The following RANBP2 variants were observed in gnomAD, a reference collection of about 807,000 sequenced individuals.
The protein encoded by RANBP2 is RAN binding protein 2.
A neutral mutation model predicts 303.6 loss-of-function variants in RANBP2; 57 were observed. That is an observed-to-expected ratio of 0.19 (90% CI 0.15 to 0.23). The LOEUF is 0.23. Ranked by LOEUF, RANBP2 falls within the 10% of genes least tolerant of loss-of-function variation. The pLI, the probability that RANBP2 is intolerant of heterozygous loss-of-function variation, is 1.00. For missense variants in RANBP2, 3,138 were observed against 3,780.8 expected, an observed-to-expected ratio of 0.83 and a Z score of 4.46; for synonymous variants, 1,167 against 1,301.5, an observed-to-expected ratio of 0.90 and a Z score of 2.23.
the RANBP2 span, among the ~76,000 whole-genome samples, chr2:109,212,167 T>C: frequency 1.3e-5 from 2 of 152,190 alleles, no homozygotes; most frequent in African/African-American, 4.8e-5. Flanking sequence ...GTTTGGCTTC[T>C]GGATGACTTG....
At chr2:108,897,174 G>A in the RANBP2 span, 1 of 1,613,854 alleles carries the variant, frequency 6.2e-7, no homozygotes, top group Non-Finnish European at 8.5e-7. Flanking sequence ...ACGTGGAGCT[G>A]AGCATTCGGC....
the RANBP2 span, among the ~76,000 whole-genome samples, chr2:109,272,985 A>G: frequency 6.6e-6 from 1 of 152,248 alleles, no homozygotes; most frequent in Non-Finnish European, 1.5e-5. Context: ...ACTGGAAGAA[A>G]TTAAAACAGG....
At chr2:109,138,170 CACGCCCGGCTA>C in the RANBP2 span, among the ~76,000 whole-genome samples, 1 of 152,300 alleles carries the variant, frequency 6.6e-6, no homozygotes, top group African/African-American at 2.4e-5. Context: ...CGAGCACCAC[CACGCCCGGCTA>C]ACGCCCGGCT....
the RANBP2 span, chr2:108,791,552 C>A: frequency 6.2e-6 from 7 of 1,134,742 alleles, no homozygotes; most frequent in Non-Finnish European, 9.2e-6. Context: ...TTACATTTTG[C>A]AGTTTAAAAA....
chr2:109,614,398 G>A, the RANBP2 span: 1 of 1,003,418 alleles, frequency 1.0e-6, no homozygotes, highest in Non-Finnish European at 1.3e-6. Context: ...GAGCCCGCCA[G>A]ACTCCGCCGC....
chr2:109,266,686 A>G, the RANBP2 span, among the ~76,000 whole-genome samples: 2 of 152,042 alleles, frequency 1.3e-5, no homozygotes, highest in Admixed American at 1.3e-4. Context: ...GCTCAGCCAC[A>G]GATTGGGAAG....
the RANBP2 span, among the ~76,000 whole-genome samples, chr2:108,881,738 A>G: frequency 6.6e-6 from 1 of 152,206 alleles, no homozygotes; most frequent in Non-Finnish European, 1.5e-5. Flanking sequence ...AGAGGGAGAG[A>G]TGGGGGATCA....
chr2:109,703,917 T>C, the RANBP2 span, among the ~76,000 whole-genome samples: 5 of 152,208 alleles, frequency 3.3e-5, no homozygotes, highest in African/African-American at 1.2e-4. Flanking sequence ...AATTGGCTCT[T>C]GTCATGGAGA....
At chr2:108,828,651 A>G in the RANBP2 span, among the ~76,000 whole-genome samples, 1 of 152,322 alleles carries the variant, frequency 6.6e-6, no homozygotes, top group Non-Finnish European at 1.5e-5. Context: ...CTCATGCAAC[A>G]AAATGAGTAT....
At chr2:109,024,993 C>T in the RANBP2 span, among the ~76,000 whole-genome samples, 1 of 152,140 alleles carries the variant, frequency 6.6e-6, no homozygotes, top group East Asian at 1.9e-4. Flanking sequence ...GAACCTCTGC[C>T]CATTAAGCAG....
At chr2:108,915,619 C>T in the RANBP2 span, among the ~76,000 whole-genome samples, 2 of 152,064 alleles carry the variant, frequency 1.3e-5, no homozygotes, top group Non-Finnish European at 2.9e-5. Flanking sequence ...GAAAGAGCTG[C>T]CCAGGCACGG....
chr2:109,171,638 C>T, the RANBP2 span, among the ~76,000 whole-genome samples: 39,761 of 152,124 alleles, frequency 0.26, 5,536 homozygotes, highest in East Asian at 0.42. Flanking sequence ...ATTTCCTGTG[C>T]GGGAATGAAT....
chr2:108,782,919 T>C (rs1678354991), intron 28 of RANBP2, 57 bp downstream of exon 28: 7 of 1,452,042 alleles, frequency 4.8e-6, no homozygotes, highest in African/African-American at 1.4e-5. Flanking sequence ...ACCACACTAA[T>C]GGGAAATTTG....
the RANBP2 span, among the ~76,000 whole-genome samples, chr2:109,714,580 G>A: frequency 2.0e-5 from 3 of 151,884 alleles, no homozygotes; most frequent in East Asian, 1.9e-4. Flanking sequence ...AATTACAGAC[G>A]TGAGCCACTG....
chr2:109,601,750 T>C, the RANBP2 span, among the ~76,000 whole-genome samples: 4 of 150,818 alleles, frequency 2.7e-5, no homozygotes, highest in East Asian at 7.8e-4. Context: ...AAAATATCTT[T>C]CTACACCCTG....
the RANBP2 span, among the ~76,000 whole-genome samples, chr2:108,919,175 C>G: frequency 6.6e-6 from 1 of 152,166 alleles, no homozygotes. Context: ...GCAGTGCTTG[C>G]TGTTTAGTGT....
At chr2:109,613,689 G>T in the RANBP2 span, 2 of 727,006 alleles carry the variant, frequency 2.8e-6, no homozygotes, top group Non-Finnish European at 3.7e-6. Flanking sequence ...GCCGGAGGGG[G>T]CGCGGGTCAC....
At chr2:109,274,484 A>G in the RANBP2 span, among the ~76,000 whole-genome samples, 5 of 152,248 alleles carry the variant, frequency 3.3e-5, no homozygotes, top group Admixed American at 6.5e-5. Flanking sequence ...TATATGCTGC[A>G]TCTTGTGTGA....
the RANBP2 span, among the ~76,000 whole-genome samples, chr2:109,239,934 G>C: frequency 6.6e-6 from 1 of 152,352 alleles, no homozygotes; most frequent in South Asian, 2.1e-4. Flanking sequence ...GGAGGTGACT[G>C]ATAGCAAAAT....
Sources: gnomAD v4.1 joint callset for allele counts (sites outside exome capture counted in the v4.1 genomes callset) on GRCh38, gnomAD v4.1.1 for gene constraint, MANE v1.5 for transcripts, NCBI Gene and HGNC (gene_info 2026-07-23, HGNC 2026-07-21) for gene names.